The following TRIO variants were observed in gnomAD, a reference collection of about 807,000 sequenced individuals.
The protein encoded by TRIO is triple functional domain protein.
Under a neutral mutation model 351.9 loss-of-function variants are expected in TRIO, and 58 were observed. The observed-to-expected ratio is 0.16, with a 90% CI of 0.13 to 0.21. The LOEUF (loss-of-function observed/expected upper bound fraction) is 0.21, where lower values mean the gene tolerates loss of function less well. Among genes scored for constraint, TRIO ranks in the 10% least tolerant of loss-of-function variants. TRIO has a pLI of 1.00. For synonymous variants in TRIO, 1,758 were observed against 1,595.7 expected (o/e 1.10, Z -2.42); for missense variants, 3,201 against 4,027.8 (o/e 0.79, Z 5.56).
intron 34 of TRIO, among the ~76,000 whole-genome samples, chr5:14,447,164 G>A (rs796274367): frequency 6.6e-6 from 1 of 152,240 alleles, no homozygotes; most frequent in African/African-American, 2.4e-5. Flanking sequence ...CCCAGGAGGC[G>A]GAGGTCACAG....
intron 35 of TRIO, 64 bp downstream of exon 35, chr5:14,461,375 TA>T: frequency 6.9e-7 from 1 of 1,440,784 alleles, no homozygotes; most frequent in South Asian, 1.5e-5. Flanking sequence ...GCTGCAAGAA[TA>T]GTTGCTGATC....
chr5:14,207,319 CACACACACACACACA>C lies in TRIO; in HGVS notation c.157+63438_157+63452del, dbSNP rs1321420426. Among the ~76,000 whole-genome samples, 10 of 15,696 alleles carry C rather than the reference CACACACACACACACA, an allele frequency of 6.4e-4. 2 individuals are homozygous for C. The highest frequency in any genetic ancestry group is 9.8e-4 in the Non-Finnish European group (7 of 7,116). The allele number at this position is 15,696 out of a possible 152,430, so 10.3% of individuals were successfully genotyped here. A position where few individuals can be genotyped will look rare whatever the true frequency, so the allele number is the denominator to read the frequency against. Reference sequence around the variant, plus strand: ...CAGGTAGCATAGCAAGACTGTCTCTCACACACACACACACACACACACACACACACACACACACAC... The same window carrying C: ...CAGGTAGCATAGCAAGACTGTCTCTCCACACACACACACACACACACACAC... On this transcript the variant is annotated intron_variant, in intron 1 of 56. Transcript: ENST00000344204.
At chr5:14,314,511 T>C (rs749470176) in intron 8 of TRIO, among the ~76,000 whole-genome samples, 1 of 152,076 alleles carries the variant, frequency 6.6e-6, no homozygotes, top group African/African-American at 2.4e-5. Flanking sequence ...AAAACAGCTC[T>C]TGTAAAGTTC....
At chr5:14,344,707 C>T (rs1447419019) in intron 11 of TRIO, among the ~76,000 whole-genome samples, 1 of 152,152 alleles carries the variant, frequency 6.6e-6, no homozygotes, top group Non-Finnish European at 1.5e-5. Context: ...TTGTCTCTAC[C>T]TCATTAATCT....
intron 53 of TRIO, among the ~76,000 whole-genome samples, chr5:14,500,475 G>A (rs1210466337): frequency 6.6e-6 from 1 of 152,170 alleles, no homozygotes; most frequent in East Asian, 1.9e-4. Flanking sequence ...TGAGAGGGGA[G>A]TCCTGAGGCT....
At chr5:14,258,702 A>C (rs1795166432) in intron 1 of TRIO, among the ~76,000 whole-genome samples, 1 of 152,262 alleles carries the variant, frequency 6.6e-6, no homozygotes, top group African/African-American at 2.4e-5. Flanking sequence ...AGGGCCGCCC[A>C]GTAGCAAGCA....
Position 14,380,322 on chromosome 5 carries a change from G to T in TRIO, c.3448-808G>T, listed in dbSNP as rs12659636. Among the ~76,000 whole-genome samples, 3 of 58,880 alleles carry T rather than the reference G, an allele frequency of 5.1e-5. 1 individual carries two copies. The highest frequency in any genetic ancestry group is 1.4e-4 in the Admixed American group (1 of 6,934). The allele number at this position is 58,880 out of a possible 152,430, so 38.6% of individuals were successfully genotyped here. A position where few individuals can be genotyped will look rare whatever the true frequency, so the allele number is the denominator to read the frequency against. ...CTTCGCGCCCCGCCTCCTCCTTCGC[G>T]CCCCGCCTCCTCCTTCGCTCCTCGC... On this transcript the variant is annotated intron_variant, in intron 20 of 56. Coordinates refer to ENST00000344204, the MANE Select transcript of TRIO (RefSeq NM_007118.4).
intron 55 of TRIO, among the ~76,000 whole-genome samples, chr5:14,506,697 C>A (rs747182057): frequency 6.6e-6 from 1 of 152,114 alleles, no homozygotes; most frequent in Non-Finnish European, 1.5e-5. Flanking sequence ...TCCTGCCCAG[C>A]CTGTGGTTAC....
At chr5:14,446,984 A>G (rs1371483400) in intron 34 of TRIO, among the ~76,000 whole-genome samples, 2 of 152,200 alleles carry the variant, frequency 1.3e-5, no homozygotes, top group Non-Finnish European at 2.9e-5. Flanking sequence ...TAATCCCAAT[A>G]CTTTGGGAGG....
At chr5:14,153,141 C>CA (rs1380435572) in intron 1 of TRIO, among the ~76,000 whole-genome samples, 1 of 152,204 alleles carries the variant, frequency 6.6e-6, no homozygotes, top group East Asian at 1.9e-4. Flanking sequence ...GGTGGAATCA[C>CA]ACAGATTTTC....
intron 31 of TRIO, among the ~76,000 whole-genome samples, chr5:14,405,415 T>C (rs1407936459): frequency 6.6e-6 from 1 of 152,218 alleles, no homozygotes; most frequent in Non-Finnish European, 1.5e-5. Flanking sequence ...CGCTGTTCCC[T>C]GAGTCCAGCA....
chr5:14,262,682 T>C (rs920797026), intron 1 of TRIO, among the ~76,000 whole-genome samples: 8 of 151,998 alleles, frequency 5.3e-5, no homozygotes, highest in Non-Finnish European at 8.8e-5. Context: ...CAACTCCTTG[T>C]TTCATGGAGG....
In TRIO at chr5:14,371,464, A is replaced by G. The variant is rs1395122596; in HGVS notation, c.3216+1941A>G. On this transcript the variant is annotated intron_variant, in intron 18 of 56. Transcript: ENST00000344204. ...ATTATCAATGTATGGGCATATATCT[A>G]CCTTCAGTGGATTATTTAAAATTCT... Among the ~76,000 whole-genome samples the G allele has an allele frequency of 2.0e-5, 3 of 152,218 alleles. No individual in the cohort carries two copies. The East Asian group carries it at 5.8e-4, about 29-fold the overall frequency.
chr5:14,310,004 A>G (rs987379799), intron 8 of TRIO, among the ~76,000 whole-genome samples: 1 of 152,086 alleles, frequency 6.6e-6, no homozygotes, highest in Non-Finnish European at 1.5e-5. Flanking sequence ...GCTGTGCTTT[A>G]ATTAGACCTG....
intron 47 of TRIO, among the ~76,000 whole-genome samples, chr5:14,485,658 C>T (rs972071786): frequency 3.3e-5 from 5 of 152,090 alleles, no homozygotes; most frequent in African/African-American, 1.2e-4. Flanking sequence ...TCACGAGGGC[C>T]TTGCACACCC....
chr5:14,484,721 T>C (rs1485913670), intron 46 of TRIO, among the ~76,000 whole-genome samples: 1 of 152,210 alleles, frequency 6.6e-6, no homozygotes, highest in Non-Finnish European at 1.5e-5. Flanking sequence ...CTCTTCATCT[T>C]GCAGAGCTAA....
At chr5:14,310,030 T>C (rs1461879822) in intron 8 of TRIO, among the ~76,000 whole-genome samples, 2 of 152,358 alleles carry the variant, frequency 1.3e-5, no homozygotes, top group East Asian at 3.9e-4. Flanking sequence ...GTCACTCCTG[T>C]TTGTGCTTTA....
Position 14,462,944 on chromosome 5 carries a change from T to C in TRIO, c.5667+19T>C, listed in dbSNP as rs1753940681. ...TGACAAGGTAAAGGGGGATGAGGGC[T>C]GGGGAATCCATGCCTGCCGTGCAGG... On this transcript the variant is annotated intron_variant, in intron 36 of 56. Coordinates refer to ENST00000344204, the MANE Select transcript of TRIO (RefSeq NM_007118.4). The C allele has an allele frequency of 2.6e-6, 4 of 1,549,518 alleles. No homozygotes were observed. In the Admixed American group the frequency reaches 7.9e-5, roughly 31 times the overall value.
At chr5:14,488,735 C>T (rs975206230) in intron 48 of TRIO, 29 of 579,978 alleles carry the variant, frequency 5.0e-5, no homozygotes, top group African/African-American at 1.3e-4. Context: ...AAGACCATTC[C>T]CTCAAGAAAA....
Sources: allele counts gnomAD v4.1 joint callset (sites outside exome capture counted in the v4.1 genomes callset), GRCh38; gene constraint gnomAD v4.1.1; transcripts MANE v1.5; gene names NCBI Gene and HGNC (gene_info 2026-07-23, HGNC 2026-07-21).